ZNF442: variants seen among roughly 807,000 people sequenced by gnomAD.
ZNF442 encodes the protein zinc finger protein 442.
A neutral mutation model predicts 57.0 loss-of-function variants in ZNF442; 45 were observed. That is an observed-to-expected ratio of 0.79 (90% CI 0.62 to 1.01). ZNF442 has a LOEUF of 1.01. ZNF442 is among the 50% of genes least tolerant of loss of function. The probability of loss-of-function intolerance (pLI) is 0.00; values close to 1 mark genes in which losing one functional copy is unlikely to be tolerated. For missense variants in ZNF442, 690 were observed against 756.5 expected, an observed-to-expected ratio of 0.91 and a Z score of 1.03; for synonymous variants, 213 against 241.8, an observed-to-expected ratio of 0.88 and a Z score of 1.10.
At chr19:12,361,697 CCT>C (rs1969429127) in intron 3 of ZNF442, among the ~76,000 whole-genome samples, 1 of 148,766 alleles carries the variant, frequency 6.7e-6, no homozygotes, top group African/African-American at 2.5e-5. Flanking sequence ...TCCCCCTCCC[CCT>C]CTCGCTGTCC....
At chr19:12,367,345 C>T (rs748882092), upstream of ZNF442, among the ~76,000 whole-genome samples, 7 of 152,072 alleles carry the variant, frequency 4.6e-5, no homozygotes, top group Non-Finnish European at 8.8e-5. Context: ...GAGTAAGTCA[C>T]AAAGATCACA....
rs1969135875 is a variant in ZNF442 at position 12,346,691 on chromosome 19, C to T, written c.*3010G>A. The T allele has an allele frequency of 6.6e-6, 1 of 152,172 alleles. No homozygotes were observed. Among genetic ancestry groups the T allele is most frequent in the Non-Finnish European group, 1.5e-5 (1 of 68,018 alleles). 9.4% of individuals were successfully genotyped at this position (152,172 alleles called of 1,614,324 possible). A position where few individuals can be genotyped will look rare whatever the true frequency, so the allele number is the denominator to read the frequency against. ...AGCAGTCAAATTATTACTGTGGAAA[C>T]AACCCATGTTTATCAACATAAAAAT... On this transcript the variant is annotated 3_prime_UTR_variant, in exon 6 of 6. Transcript: ENST00000242804.
Position 12,350,990 on chromosome 19 carries a change from G to T in ZNF442, c.595C>A (p.His199Asn). 1 of 1,614,050 alleles carries T rather than the reference G, an allele frequency of 6.2e-7. No homozygotes were observed. The highest frequency in any genetic ancestry group is 8.5e-7 in the Non-Finnish European group (1 of 1,179,930). The change falls in exon 6 of 6, where the codon CAC becomes AAC. Residue 199 changes from histidine to asparagine, a missense_variant. Coordinates refer to ENST00000242804, the MANE Select transcript of ZNF442 (RefSeq NM_030824.3). The part of the protein sequence containing the change: ...TFSSSGNLRR[H>N]IIVQRGGGPY... The stretch of plus-strand genomic sequence containing the variant: ...CCACCTCCACGTTGTACTATTATGT[G>T]TCTTCGAAGGTTTCCCGAAGAACTG...
chr19:12,366,609 G>C (rs1325411585), upstream of ZNF442, among the ~76,000 whole-genome samples: 1 of 151,968 alleles, frequency 6.6e-6, no homozygotes, highest in African/African-American at 2.4e-5. Flanking sequence ...ATACTACACT[G>C]CCATGCCTTA....
At chr19:12,364,270 G>T (rs185645221) in intron 2 of ZNF442, among the ~76,000 whole-genome samples, 278 of 152,090 alleles carry the variant, frequency 1.8e-3, no homozygotes, top group African/African-American at 6.3e-3. Flanking sequence ...AGCCGGGTGT[G>T]GTGGTGGGTG....
At chr19:12,356,823 A>G (rs1969338626) in intron 3 of ZNF442, among the ~76,000 whole-genome samples, 1 of 151,584 alleles carries the variant, frequency 6.6e-6, no homozygotes, top group South Asian at 2.1e-4. Flanking sequence ...ACACACACAT[A>G]CATGGTCTGA....
intron 3 of ZNF442, among the ~76,000 whole-genome samples, chr19:12,355,256 A>T (rs987398667): frequency 7.0e-6 from 1 of 142,674 alleles, no homozygotes. Context: ...GCGCCACTGC[A>T]CTCCAGCCTG....
At chr19:12,372,111 C>T in the ZNF442 span, among the ~76,000 whole-genome samples, 3 of 152,140 alleles carry the variant, frequency 2.0e-5, no homozygotes, top group African/African-American at 7.2e-5. Flanking sequence ...AAAACAAACA[C>T]CACCATTAAA....
At chr19:12,355,838 A>G (rs111736261) in intron 3 of ZNF442, among the ~76,000 whole-genome samples, 7,346 of 151,996 alleles carry the variant, frequency 0.048, 588 homozygotes, top group African/African-American at 0.17. Flanking sequence ...GAGTGGGGGT[A>G]CATGCCTGTA....
intron 3 of ZNF442, among the ~76,000 whole-genome samples, chr19:12,359,651 A>C (rs1165098266): frequency 2.0e-5 from 3 of 152,136 alleles, no homozygotes; most frequent in Admixed American, 6.6e-5. Flanking sequence ...TCTTAAGAAC[A>C]GACTTAGGTT....
upstream of ZNF442, among the ~76,000 whole-genome samples, chr19:12,366,750 C>T (rs1568492966): frequency 6.6e-6 from 1 of 152,176 alleles, no homozygotes; most frequent in East Asian, 1.9e-4. Flanking sequence ...CCTGCCTCAG[C>T]CTCCCGAGTA....
the ZNF442 span, among the ~76,000 whole-genome samples, chr19:12,373,410 C>T: frequency 5.9e-5 from 9 of 152,206 alleles, no homozygotes; most frequent in South Asian, 2.1e-4. Flanking sequence ...GGCATGGTGG[C>T]GCACACCTAT....
intron 3 of ZNF442, among the ~76,000 whole-genome samples, 194 bp from the exon 4 acceptor site, chr19:12,353,308 C>T (rs540351041): frequency 7.2e-4 from 109 of 152,290 alleles, no homozygotes; most frequent in African/African-American, 2.6e-3. Context: ...TGTTGTTGTA[C>T]ACATAATAGT....
chr19:12,353,433 T>A (rs145928934), intron 3 of ZNF442, among the ~76,000 whole-genome samples: 4 of 152,336 alleles, frequency 2.6e-5, no homozygotes, highest in Non-Finnish European at 5.9e-5. Context: ...AAAGTCCTAC[T>A]ACTTACTGTA....
chr19:12,367,118 C>T (rs544652015), upstream of ZNF442, among the ~76,000 whole-genome samples: 5 of 152,282 alleles, frequency 3.3e-5, no homozygotes, highest in African/African-American at 4.8e-5. Context: ...TGACTACTAT[C>T]GGGGAAACCA....
rs1324402348 is a variant in ZNF442, at chr19:12,350,222, G to A, written c.1363C>T (p.His455Tyr). The change falls in exon 6 of 6, where the codon CAC (histidine) becomes TAC (tyrosine). Residue 455 changes from histidine to tyrosine, a missense_variant. Coordinates refer to ENST00000242804, the MANE Select transcript of ZNF442 (RefSeq NM_030824.3). ...CATTTATAGGGTTTCTCTCCAGTGT[G>A]AGTTGTTTCATGTCTTCGAAGGGAA... ...SSSLRRHETT[H>Y]TGEKPYKCKC... 6.2e-7 allele frequency: 1 copy of A among 1,613,838 alleles called. No individual in the cohort carries two copies. The highest frequency in any genetic ancestry group is 1.7e-5 in the Admixed American group (1 of 59,986).
intron 3 of ZNF442, among the ~76,000 whole-genome samples, chr19:12,354,683 G>C (rs910146868): frequency 5.9e-5 from 9 of 152,166 alleles, no homozygotes; most frequent in Admixed American, 2.0e-4. Context: ...CAATTCTCCT[G>C]CCTCAGCCTC....
chr19:12,352,111 A>G (rs1394477177), intron 4 of ZNF442, 41 bp from the exon 5 acceptor site: 4 of 1,575,552 alleles, frequency 2.5e-6, no homozygotes, highest in Admixed American at 1.8e-5. Flanking sequence ...GATTATTATA[A>G]AATTCTAAAA....
chr19:12,367,508 G>A (rs145893162), upstream of ZNF442, among the ~76,000 whole-genome samples: 112 of 152,126 alleles, frequency 7.4e-4, no homozygotes, highest in African/African-American at 2.6e-3. Context: ...GAATTTACCA[G>A]GCTGGAACTT....
Sources: gnomAD v4.1 joint callset for allele counts (sites outside exome capture counted in the v4.1 genomes callset) on GRCh38, gnomAD v4.1.1 for gene constraint, MANE v1.5 for transcripts, NCBI Gene and HGNC (gene_info 2026-07-23, HGNC 2026-07-21) for gene names.